The following MTOR variants were observed in gnomAD, a reference collection of about 807,000 sequenced individuals.
The protein encoded by MTOR is serine/threonine-protein kinase mTOR.
In MTOR, 70 loss-of-function variants were observed where a neutral mutation model predicts 319.8. The ratio of observed to expected loss-of-function variants is 0.22; its 90% confidence interval spans 0.18 to 0.27. The LOEUF (loss-of-function observed/expected upper bound fraction) is 0.27, where lower values mean the gene tolerates loss of function less well. MTOR is among the 10% of genes least tolerant of loss of function. The pLI is 1.00. For synonymous variants in MTOR, 1,183 were observed against 1,211.4 expected (o/e 0.98, Z 0.49); for missense variants, 1,890 against 3,274.4 (o/e 0.58, Z 10.32).
At chr1:11,232,085 G>T (rs1452071905) in intron 16 of MTOR, among the ~76,000 whole-genome samples, 1 of 152,182 alleles carries the variant, frequency 6.6e-6, no homozygotes. Context: ...AGCAGAACCA[G>T]GGCTGGGCAA....
At chr1:11,150,057 C>T in intron 31 of MTOR, 69 bp downstream of exon 31, 1 of 1,413,282 alleles carries the variant, frequency 7.1e-7, no homozygotes, top group Non-Finnish European at 1.0e-6. Context: ...CAGCACCTTA[C>T]TCTTCTGATG....
At position 11,116,972 on chromosome 1, in the gene MTOR, G is replaced by C. The variant is rs183533681; in HGVS notation, c.7016+32C>G. ...ATTCAGGAAAACTACAATGGAGAAA[G>C]AAGACTAAAAAAACCAAATTAAATT... On this transcript the variant is annotated intron_variant, in intron 50 of 57. Coordinates refer to ENST00000361445, the MANE Select transcript of MTOR (RefSeq NM_004958.4). The C allele has an allele frequency of 5.3e-5, 81 of 1,516,510 alleles. No individual in the cohort carries two copies. The East Asian group carries it at 1.8e-3, about 33-fold the overall frequency. 93.9% of individuals were successfully genotyped at this position (1,516,510 alleles called of 1,614,324 possible). A position where few individuals can be genotyped will look rare whatever the true frequency, so the allele number is the denominator to read the frequency against.
At chr1:11,223,214 A>C (rs1183910947) in intron 19 of MTOR, among the ~76,000 whole-genome samples, 1 of 152,072 alleles carries the variant, frequency 6.6e-6, no homozygotes, top group Non-Finnish European at 1.5e-5. Context: ...ATAAGTAGTG[A>C]AAGAATTATA....
At chr1:11,253,344 G>A (rs144659836) in intron 6 of MTOR, among the ~76,000 whole-genome samples, 4 of 152,152 alleles carry the variant, frequency 2.6e-5, no homozygotes, top group East Asian at 3.9e-4. Context: ...TGTTAGAAAC[G>A]CATGACATCA....
chr1:11,223,207 A>G (rs1030037640), intron 19 of MTOR, among the ~76,000 whole-genome samples: 1 of 151,998 alleles, frequency 6.6e-6, no homozygotes, highest in Admixed American at 6.6e-5. Context: ...AAGGTAAATA[A>G]GTAGTGAAAG....
chr1:11,189,006 C>A (rs985303513), intron 28 of MTOR, among the ~76,000 whole-genome samples: 1 of 152,210 alleles, frequency 6.6e-6, no homozygotes, highest in African/African-American at 2.4e-5. Flanking sequence ...CTTACGCTCA[C>A]CCCATGGTTA....
At chr1:11,256,861 A>G in intron 4 of MTOR, 72 bp downstream of exon 4, 1 of 1,438,918 alleles carries the variant, frequency 6.9e-7, no homozygotes, top group Non-Finnish European at 9.6e-7. Context: ...GAGCCTCAGA[A>G]GGAAGCAAAA....
At chr1:11,209,509 G>A (rs751753528) in intron 24 of MTOR, 51 bp from the exon 25 acceptor site, 2 of 1,597,664 alleles carry the variant, frequency 1.3e-6, no homozygotes, top group Non-Finnish European at 1.7e-6. Flanking sequence ...AGATGCTTCT[G>A]GTTTAGGAAA....
chr1:11,251,872 T>C (rs1158532281), intron 6 of MTOR, among the ~76,000 whole-genome samples: 1 of 152,154 alleles, frequency 6.6e-6, no homozygotes, highest in Non-Finnish European at 1.5e-5. Context: ...ATGAGCTAGG[T>C]GATACTGTCC....
At chr1:11,131,325 G>A (rs953269633) in intron 38 of MTOR, 2 of 159,664 alleles carry the variant, frequency 1.3e-5, no homozygotes, top group Admixed American at 1.2e-4. Flanking sequence ...TGCAGGCGAG[G>A]AGTGAGAGCG....
At chr1:11,154,976 G>A (rs1235045886) in intron 30 of MTOR, among the ~76,000 whole-genome samples, 2 of 152,084 alleles carry the variant, frequency 1.3e-5, no homozygotes, top group Non-Finnish European at 2.9e-5. Flanking sequence ...GTGAGACTCC[G>A]TCTCTACAAA....
chr1:11,201,433 G>T (rs1376909587), intron 26 of MTOR, among the ~76,000 whole-genome samples: 1 of 152,114 alleles, frequency 6.6e-6, no homozygotes, highest in Non-Finnish European at 1.5e-5. Context: ...GCAAATCATG[G>T]CATCAAACCA....
chr1:11,168,049 G>C (rs1042023104), intron 28 of MTOR, among the ~76,000 whole-genome samples: 1 of 150,818 alleles, frequency 6.6e-6, no homozygotes, highest in Non-Finnish European at 1.5e-5. Context: ...CAGCCTGGGG[G>C]ACAGAGTGAG....
chr1:11,158,468 C>T (rs1283924460), intron 29 of MTOR, among the ~76,000 whole-genome samples: 2 of 152,068 alleles, frequency 1.3e-5, no homozygotes, highest in Admixed American at 6.6e-5. Context: ...CTGGCAGAGC[C>T]GGTGCCCTCT....
At chr1:11,238,677 G>A in intron 11 of MTOR, 60 bp from the exon 12 acceptor site, 2 of 1,427,662 alleles carry the variant, frequency 1.4e-6, no homozygotes, top group South Asian at 2.6e-5. Context: ...AGGTAGGTCT[G>A]CAGCTTGCTA....
chr1:11,152,938 C>T (rs1187818676), intron 30 of MTOR, among the ~76,000 whole-genome samples: 1 of 152,184 alleles, frequency 6.6e-6, no homozygotes, highest in Admixed American at 6.5e-5. Flanking sequence ...GCCACTTACG[C>T]TTTATGGGTA....
Position 11,212,823 on chromosome 1 carries a change from G to C in MTOR, c.3371C>G (p.Ala1124Gly). 6.2e-7 allele frequency: 1 copy of C among 1,613,974 alleles called. No individual in the cohort carries two copies. The highest frequency in any genetic ancestry group is 1.1e-5 in the South Asian group (1 of 91,066). Residue 1124 changes from alanine to glycine, a missense_variant, in exon 22 of 58, where the codon GCC becomes GGC. This residue lies in a region of MTOR where 377 missense variants were observed against 653.9 expected (regional missense o/e 0.58). Transcript: ENST00000361445. This position sits in a 1 kb window ranked among gnomAD's most constrained non-coding sequence, Gnocchi z 4.1. ...TCGAGATGGCAGTGGAGCTTCAGGG[G>C]CATCAAACAACTTAACAATAGGAGG... ...LLPPIVKLFD[A>G]PEAPLPSRKA...
chr1:11,223,409 G>A (rs922166395), intron 19 of MTOR, among the ~76,000 whole-genome samples: 1 of 152,056 alleles, frequency 6.6e-6, no homozygotes, highest in African/African-American at 2.4e-5. Context: ...ATGTATTGGT[G>A]AAATAATATG....
rs1643095555 is a variant in MTOR, at chr1:11,130,622, G to C, written c.5520C>G (p.Thr1840=). Residue 1840 remains threonine (T), a synonymous_variant, in exon 39 of 58, where the codon ACC becomes ACG. Transcript: ENST00000361445. The part of the protein sequence containing the change: ...TAATTAATAT[T]TASTEGSNSE... ...TGTTGCTGCCCTCGGTGCTGGCAGT[G>C]GTGGTGGCAGTGGCGGCCGTGGTGG... is the stretch of plus-strand genomic sequence containing the variant. The C allele has an allele frequency of 6.2e-7, 1 of 1,613,664 alleles. No individual in the cohort carries two copies. The highest frequency in any genetic ancestry group is 1.3e-5 in the African/African-American group (1 of 74,910).
Sources: gnomAD v4.1 joint callset for allele counts (sites outside exome capture counted in the v4.1 genomes callset) on GRCh38, gnomAD v4.1.1 for gene constraint, gnomAD v4.1.1 regional missense constraint, Gnocchi (gnomAD v3.1) non-coding constraint, MANE v1.5 for transcripts, NCBI Gene and HGNC (gene_info 2026-07-23, HGNC 2026-07-21) for gene names.